PFKFB4: variants seen among roughly 807,000 people sequenced by gnomAD.
PFKFB4 encodes 6-phosphofructo-2-kinase/fructose-2,6-bisphosphatase 4.
Under a neutral mutation model 62.8 loss-of-function variants are expected in PFKFB4, and 42 were observed. That is an observed-to-expected ratio of 0.67 (90% CI 0.52 to 0.86). The LOEUF (loss-of-function observed/expected upper bound fraction) is 0.86. Ranked by LOEUF, PFKFB4 falls within the 40% of genes least tolerant of loss-of-function variation. The pLI is 0.00. For missense variants in PFKFB4, 475 were observed against 627.2 expected (o/e 0.76, Z 2.59); for synonymous variants, 204 against 240.7 (o/e 0.85, Z 1.41).
chr3:48,558,553 G>T (rs2043385263), upstream of PFKFB4, among the ~76,000 whole-genome samples: 1 of 152,188 alleles, frequency 6.6e-6, no homozygotes, highest in South Asian at 2.1e-4. Flanking sequence ...TTAAAGCTTG[G>T]CAAGGACCCT....
intron 6 of PFKFB4, 140 bp downstream of exon 6, chr3:48,539,114 G>A (rs2042722254): frequency 1.4e-6 from 1 of 719,338 alleles, no homozygotes; most frequent in Non-Finnish European, 2.5e-6. Flanking sequence ...CAGAGGGCGA[G>A]GCATACCTGA....
At chr3:48,531,150 G>A (rs922968852) in intron 9 of PFKFB4, among the ~76,000 whole-genome samples, 4 of 151,922 alleles carry the variant, frequency 2.6e-5, no homozygotes, top group Admixed American at 1.3e-4. Context: ...GAGATCACTC[G>A]AACCCAGGAG....
At position 48,538,731 on chromosome 3, in the gene PFKFB4, TGC is replaced by T; in HGVS notation, c.511-114_511-113del. 3 of 1,370,840 alleles carry T rather than the reference TGC, an allele frequency of 2.2e-6. No individual in the cohort carries two copies. The South Asian group carries it at 3.9e-5, about 18-fold the overall frequency. 84.9% of individuals were successfully genotyped at this position (1,370,840 alleles called of 1,614,324 possible). On this transcript the variant is annotated intron_variant, in intron 6 of 13. Transcript: ENST00000232375. ...TGGAGGAGGTTGCACCGGAGACCAG[TGC>T]GGGAACCTGAGGCTGGAAGCTGAGG...
Position 48,519,746 on chromosome 3 carries a change from G to T in PFKFB4, c.*1C>A. On this transcript the variant is annotated 3_prime_UTR_variant, in exon 14 of 14. Transcript: ENST00000232375. ...CTAGTGGTCACAGTGGATGAACATG[G>T]TCACTGGTGAGCAGGCACCGTGACA... 6.2e-7 allele frequency: 1 copy of T among 1,611,904 alleles called. No individual in the cohort carries two copies. The highest frequency in any genetic ancestry group is 2.2e-5 in the East Asian group (1 of 44,876).
chr3:48,531,256 T>C (rs977004070), intron 9 of PFKFB4, among the ~76,000 whole-genome samples: 3 of 150,712 alleles, frequency 2.0e-5, no homozygotes, highest in African/African-American at 7.3e-5. Flanking sequence ...ATACCAGCAA[T>C]TTGGGAGGCC....
chr3:48,560,045 C>A (rs917047710), upstream of PFKFB4, among the ~76,000 whole-genome samples: 6 of 152,276 alleles, frequency 3.9e-5, no homozygotes, highest in African/African-American at 1.4e-4. Context: ...CCGCCTCAAC[C>A]TCCCAAAGCC....
chr3:48,560,203 A>G (rs767323292), upstream of PFKFB4, among the ~76,000 whole-genome samples: 70 of 152,280 alleles, frequency 4.6e-4, no homozygotes, highest in Middle Eastern at 6.8e-3. Context: ...ACACAGACGC[A>G]CACACACTCA....
At chr3:48,534,693 A>G (rs1032078737) in intron 9 of PFKFB4, among the ~76,000 whole-genome samples, 2 of 151,748 alleles carry the variant, frequency 1.3e-5, no homozygotes, top group Admixed American at 1.3e-4. Flanking sequence ...AAAAAGAAGA[A>G]AAGAAAATAT....
At chr3:48,536,140 C>T (rs528096069) in intron 8 of PFKFB4, 116 bp downstream of exon 8, 13 of 847,732 alleles carry the variant, frequency 1.5e-5, no homozygotes, top group East Asian at 7.4e-5. Flanking sequence ...TCATTCACCT[C>T]GACTGCACAT....
intron 9 of PFKFB4, among the ~76,000 whole-genome samples, chr3:48,533,816 T>G (rs2107512387): frequency 6.6e-6 from 1 of 152,264 alleles, no homozygotes; most frequent in South Asian, 2.1e-4. Flanking sequence ...ATCGTGCCAT[T>G]GCACTCCAGC....
In PFKFB4 at chr3:48,522,251, T is replaced by C. The variant is rs1005909286; in HGVS notation, c.1286-201A>G. 2.6e-5 allele frequency among the ~76,000 whole-genome samples: 4 copies of C among 152,286 alleles called. No homozygotes were observed. The South Asian group carries it at 8.3e-4, about 32-fold the overall frequency. On this transcript the variant is annotated intron_variant, in intron 12 of 13. Transcript: ENST00000232375. The stretch of plus-strand genomic sequence containing the variant: ...ACGCTGTCAGACCCACGCATATCTA[T>C]GTGACGGCCCAGACAGGGCCACACA...
chr3:48,557,699 G>C (rs1324350183), upstream of PFKFB4, among the ~76,000 whole-genome samples: 1 of 152,090 alleles, frequency 6.6e-6, no homozygotes, highest in Non-Finnish European at 1.5e-5. Context: ...ACCACGCCCT[G>C]CTAATTTTTG....
chr3:48,536,475 G>A lies in PFKFB4; in HGVS notation c.633-12C>T, dbSNP rs1352727388. On this transcript the variant is annotated splice_polypyrimidine_tract_variant and intron_variant, in intron 7 of 13. Coordinates refer to ENST00000232375, the MANE Select transcript of PFKFB4 (RefSeq NM_004567.4). ...TATAGGACAGGTCCCTGTCCAGAGA[G>A]AAAGTAGAAAGAGGCCTGTGAGCGT... 2 of 1,593,022 alleles carry A rather than the reference G, an allele frequency of 1.3e-6. No individual in the cohort carries two copies. The highest frequency in any genetic ancestry group is 2.3e-5 in the East Asian group (1 of 44,384).
chr3:48,536,110 G>A, intron 8 of PFKFB4, 146 bp downstream of exon 8: 1 of 678,590 alleles, frequency 1.5e-6, no homozygotes, highest in Non-Finnish European at 2.5e-6. Flanking sequence ...ATGATGGGAA[G>A]ATTCTAGGTT....
At chr3:48,556,918 C>T, upstream of PFKFB4, 1 of 1,417,974 alleles carries the variant, frequency 7.1e-7, no homozygotes, top group Non-Finnish European at 9.2e-7. The surrounding 1 kb of genome is among the most constrained non-coding windows in gnomAD (Gnocchi z 5.7). Flanking sequence ...GGTCCCGCCC[C>T]AGAGTGAGTA....
At chr3:48,543,782 C>T (rs767472616) in intron 3 of PFKFB4, 136 bp from the exon 4 acceptor site, 6 of 697,180 alleles carry the variant, frequency 8.6e-6, no homozygotes, top group Non-Finnish European at 1.1e-5. Context: ...TCAAAGTTTC[C>T]CTTCTCTTTC....
At chr3:48,552,947 A>C (rs1046946678) in intron 1 of PFKFB4, among the ~76,000 whole-genome samples, 1 of 152,218 alleles carries the variant, frequency 6.6e-6, no homozygotes, top group Non-Finnish European at 1.5e-5. Flanking sequence ...ATAAGCTCCC[A>C]AGGAAATGAC....
rs1253962689 is a variant in PFKFB4 at position 48,519,383 on chromosome 3, C to G, written c.*364G>C. The G allele has an allele frequency of 4.8e-6, 1 of 208,848 alleles. No homozygotes were observed. Among genetic ancestry groups the G allele is most frequent in the African/African-American group, 2.3e-5 (1 of 43,630 alleles). The allele number at this position is 208,848 out of a possible 1,614,324, so 12.9% of individuals were successfully genotyped here. A position where few individuals can be genotyped will look rare whatever the true frequency, so the allele number is the denominator to read the frequency against. ...CAGCTGGGCCACAGTAGGAACATCA[C>G]AGCAAGCACTTTCCTTTCACATTGT... On this transcript the variant is annotated 3_prime_UTR_variant, in exon 14 of 14. Coordinates refer to ENST00000232375, the MANE Select transcript of PFKFB4 (RefSeq NM_004567.4).
intron 7 of PFKFB4, among the ~76,000 whole-genome samples, chr3:48,537,024 T>C (rs1034117380): frequency 1.8e-4 from 28 of 152,266 alleles, no homozygotes; most frequent in African/African-American, 5.1e-4. Flanking sequence ...AGCTGGTGGA[T>C]GAGACAGGAA....
Sources: allele counts gnomAD v4.1 joint callset (sites outside exome capture counted in the v4.1 genomes callset), GRCh38; gene constraint gnomAD v4.1.1; non-coding constraint Gnocchi (gnomAD v3.1); transcripts MANE v1.5; gene names NCBI Gene and HGNC (gene_info 2026-07-23, HGNC 2026-07-21).